The following PADI6 variants were observed in gnomAD, a reference collection of about 807,000 sequenced individuals.
PADI6 encodes the protein peptidyl arginine deiminase 6.
PADI6 carries 66 observed loss-of-function variants against 78.2 expected under a neutral mutation model. The ratio of observed to expected loss-of-function variants is 0.84; its 90% CI spans 0.69 to 1.04. PADI6 has a LOEUF of 1.04. Ranked by LOEUF, PADI6 falls within the 50% of genes least tolerant of loss-of-function variation. PADI6 has a pLI of 0.00. For synonymous variants in PADI6, 397 were observed against 346.9 expected (o/e 1.14, Z -1.60); for missense variants, 854 against 866.1 (o/e 0.99, Z 0.18).
At chr1:17,390,436 C>G (rs141062349) in intron 8 of PADI6, among the ~76,000 whole-genome samples, 10 of 152,160 alleles carry the variant, frequency 6.6e-5, no homozygotes, top group African/African-American at 2.4e-4. Context: ...CCCGTCTCTA[C>G]TAAAAATACA....
At chr1:17,401,135 G>T in intron 15 of PADI6, 70 bp from the exon 16 acceptor site, 1 of 1,448,140 alleles carries the variant, frequency 6.9e-7, no homozygotes, top group South Asian at 1.2e-5. Flanking sequence ...ACCGCAGAGA[G>T]GCAGGTGGGC....
chr1:17,372,500 A>C, intron 1 of PADI6, 139 bp downstream of exon 1: 1 of 783,366 alleles, frequency 1.3e-6, no homozygotes, highest in African/African-American at 1.7e-5. Flanking sequence ...TTGGGTCTCT[A>C]GTGGGGGGCC....
intron 13 of PADI6, among the ~76,000 whole-genome samples, chr1:17,396,005 T>TTG (rs1402139000): frequency 6.6e-6 from 1 of 152,136 alleles, no homozygotes; most frequent in African/African-American, 2.4e-5. Context: ...GACTGGGACT[T>TTG]TGTGGGTCTC....
At chr1:17,381,337 A>C (rs1251141325) in intron 5 of PADI6, among the ~76,000 whole-genome samples, 173 bp downstream of exon 5, 3 of 152,136 alleles carry the variant, frequency 2.0e-5, no homozygotes, top group Admixed American at 1.3e-4. Flanking sequence ...ATAATTGGGT[A>C]AGAGAAGTCA....
intron 14 of PADI6, among the ~76,000 whole-genome samples, chr1:17,398,354 G>A (rs1557610455): frequency 6.6e-6 from 1 of 152,084 alleles, no homozygotes; most frequent in Non-Finnish European, 1.5e-5. Flanking sequence ...AGGTGTGTTG[G>A]GTTATGTCTG....
intron 15 of PADI6, among the ~76,000 whole-genome samples, chr1:17,399,781 T>C (rs1392275560): frequency 6.6e-6 from 1 of 151,330 alleles, no homozygotes; most frequent in Non-Finnish European, 1.5e-5. Context: ...CTCATGCCCG[T>C]AATCTCAGCA....
At chr1:17,396,042 T>A (rs2100323447) in intron 13 of PADI6, among the ~76,000 whole-genome samples, 1 of 152,094 alleles carries the variant, frequency 6.6e-6, no homozygotes, top group Non-Finnish European at 1.5e-5. Flanking sequence ...AACACACAGG[T>A]GGACAAGCAG....
chr1:17,376,096 T>C (rs549929165), intron 3 of PADI6, among the ~76,000 whole-genome samples: 3 of 152,136 alleles, frequency 2.0e-5, no homozygotes, highest in Admixed American at 6.5e-5. Context: ...TACCTCAGCC[T>C]CCAGATTAGC....
chr1:17,399,211 C>CT (rs948910765), intron 15 of PADI6, among the ~76,000 whole-genome samples: 1 of 152,204 alleles, frequency 6.6e-6, no homozygotes, highest in African/African-American at 2.4e-5. Context: ...GCAGCGAGGC[C>CT]TTGAGCAACC....
At position 17,395,547 on chromosome 1, in the gene PADI6, T is replaced by C; in HGVS notation, c.1502T>C (p.Leu501Pro). ...DDKNEGKKGF[L>P]LLLASPSACY... ...CCAAGTTCTGTTTCCCAGGGCTTCC[T>C]GCTGCTCCTGGCCAGCCCCAGTGCC... The change falls in exon 13 of 16, where the codon CTG (leucine) becomes CCG (proline). Residue 501 changes from leucine to proline, a missense_variant. By Grantham distance (98) the Leu-to-Pro change is moderately conservative. Transcript: ENST00000619609. 1 of 1,554,672 alleles carries C rather than the reference T, an allele frequency of 6.4e-7. No homozygotes were observed. Among genetic ancestry groups the C allele is most frequent in the Non-Finnish European group, 8.7e-7 (1 of 1,148,492 alleles).
chr1:17,394,863 C>G, intron 11 of PADI6, 88 bp from the exon 12 acceptor site: 3 of 1,439,304 alleles, frequency 2.1e-6, no homozygotes, highest in Non-Finnish European at 2.8e-6. Context: ...CAGAGGCCAG[C>G]TCCCTGGAGG....
intron 6 of PADI6, among the ~76,000 whole-genome samples, chr1:17,382,589 C>G (rs1285303419): frequency 6.6e-6 from 1 of 152,214 alleles, no homozygotes; most frequent in African/African-American, 2.4e-5. Context: ...GCCCTCCTCT[C>G]CTGGGAGGCA....
intron 13 of PADI6, among the ~76,000 whole-genome samples, 153 bp from the exon 14 acceptor site, chr1:17,396,918 G>C (rs1303158599): frequency 2.0e-5 from 3 of 152,234 alleles, no homozygotes; most frequent in African/African-American, 7.2e-5. Flanking sequence ...TATTGGACCT[G>C]AGGGTGTGAT....
At chr1:17,375,607 C>A in intron 3 of PADI6, 108 bp downstream of exon 3, 1 of 952,506 alleles carries the variant, frequency 1.0e-6, no homozygotes, top group Non-Finnish European at 1.6e-6. Context: ...AACAAGATGC[C>A]TCCTGTGGGC....
intron 2 of PADI6, among the ~76,000 whole-genome samples, chr1:17,374,855 A>C (rs2074999789): frequency 6.6e-6 from 1 of 152,144 alleles, no homozygotes; most frequent in Non-Finnish European, 1.5e-5. Context: ...CCTTGTGGTC[A>C]GGGTCAGTGG....
chr1:17,373,433 C>T lies in PADI6; in HGVS notation c.294+200C>T, dbSNP rs368998596. Among the ~76,000 whole-genome samples, 56 of 152,188 alleles carry T rather than the reference C, an allele frequency of 3.7e-4. 2 individuals carry two copies. In the East Asian group the frequency reaches 6.6e-3, roughly 18 times the overall value. On this transcript the variant is annotated intron_variant, in intron 2 of 15. Coordinates refer to ENST00000619609, the MANE Select transcript of PADI6 (RefSeq NM_207421.4). ...TTTACAAAGAAACAGAGGCACCTAG[C>T]GAAGGTGCCCTGCCAAGTCAGCAAC...
rs371237785 is a variant in PADI6 at position 17,398,766 on chromosome 1, G to A, written c.1770G>A (p.Leu590=). The change falls in exon 15 of 16, where the codon CTG becomes CTA. Residue 590 remains leucine, a synonymous_variant. Transcript: ENST00000619609. ...AGGACATCATCGAGATTCCCCAGCT[G>A]TTCTGCTTGGAGAAGCTGACTAACA... is the stretch of plus-strand genomic sequence containing the variant. The part of the protein sequence containing the change: ...VEQDIIEIPQ[L]FCLEKLTNIP... 11 of 1,610,318 alleles carry A rather than the reference G, an allele frequency of 6.8e-6. No individual in the cohort carries two copies. The African/African-American group carries it at 1.1e-4, about 16-fold the overall frequency.
At chr1:17,380,011 C>T (rs1280886545) in intron 4 of PADI6, 24 bp downstream of exon 4, 3 of 1,612,058 alleles carry the variant, frequency 1.9e-6, no homozygotes, top group Non-Finnish European at 2.5e-6. Flanking sequence ...CAAAAGGGGG[C>T]AGGGAAGGGG....
Position 17,375,491 on chromosome 1 carries a change from C to T in PADI6, c.359C>T (p.Thr120Ile). ...GTGGGCACAGCTGTGCTGTACCTCA[C>T]TGGCATTGGTGAGTGTTGCTCCAAC... is the stretch of plus-strand genomic sequence containing the variant. ...APVGTAVLYLTGIEVSLEVDI... is the reference protein window; with the variant it reads ...APVGTAVLYLIGIEVSLEVDI... Residue 120 changes from threonine to isoleucine, a missense_variant, in exon 3 of 16, where the codon ACT becomes ATT. Transcript: ENST00000619609. The T allele has an allele frequency of 6.2e-7, 1 of 1,606,242 alleles. No homozygotes were observed. Among genetic ancestry groups the T allele is most frequent in the Non-Finnish European group, 8.5e-7 (1 of 1,176,414 alleles).
Sources: gnomAD v4.1 joint callset for allele counts (sites outside exome capture counted in the v4.1 genomes callset) on GRCh38, gnomAD v4.1.1 for gene constraint, MANE v1.5 for transcripts, NCBI Gene and HGNC (gene_info 2026-07-23, HGNC 2026-07-21) for gene names.